Variants in TNR observed in about 807,000 individuals in gnomAD.
TNR encodes the protein tenascin-R.
A neutral mutation model predicts 150.4 loss-of-function variants in TNR; 45 were observed. The observed-to-expected ratio is 0.30, with a 90% CI of 0.24 to 0.38. The LOEUF is 0.38. TNR is among the 10% of genes least tolerant of loss of function. The probability of loss-of-function intolerance (pLI) is 1.00; values close to 1 mark genes in which losing one functional copy is unlikely to be tolerated. For synonymous variants in TNR, 687 were observed against 678.4 expected, an observed-to-expected ratio of 1.01 and a Z score of -0.20; for missense variants, 1,544 against 1,759.1, an observed-to-expected ratio of 0.88 and a Z score of 2.19.
chr1:175,362,910 C>T, intron 13 of TNR, 101 bp from the exon 14 acceptor site: 3 of 1,422,902 alleles, frequency 2.1e-6, no homozygotes, highest in Non-Finnish European at 2.9e-6. Flanking sequence ...GTGTGGGACT[C>T]CGCACTCAGT....
chr1:175,355,167 T>C (rs777385294), intron 17 of TNR, among the ~76,000 whole-genome samples: 11 of 152,288 alleles, frequency 7.2e-5, no homozygotes, highest in Admixed American at 1.3e-4. Context: ...CTTTGTGTCA[T>C]TGTATTGGAA....
intron 1 of TNR, among the ~76,000 whole-genome samples, chr1:175,738,750 A>G (rs529284281): frequency 6.6e-6 from 1 of 152,368 alleles, no homozygotes; most frequent in East Asian, 1.9e-4. Flanking sequence ...GTCGTAATTC[A>G]AAGTCACGTT....
intron 1 of TNR, among the ~76,000 whole-genome samples, chr1:175,585,386 C>T (rs182329141): frequency 1.8e-4 from 28 of 152,278 alleles, no homozygotes; most frequent in African/African-American, 6.0e-4. Context: ...TAGAGAAAAT[C>T]GTGAGCATGT....
chr1:175,325,276 A>C (rs1649305907), intron 21 of TNR, among the ~76,000 whole-genome samples: 1 of 152,252 alleles, frequency 6.6e-6, no homozygotes, highest in African/African-American at 2.4e-5. Flanking sequence ...AATGCTCATC[A>C]TCACTGGCCG....
rs75852160 is a variant in TNR at position 175,583,792 on chromosome 1, A to G, written c.-164-55423T>C. Among the ~76,000 whole-genome samples the G allele has an allele frequency of 9.2e-3, 1,401 of 152,360 alleles. 25 individuals are homozygous for G. Among genetic ancestry groups the G allele is most frequent in the African/African-American group, 0.031 (1,277 of 41,584 alleles). On this transcript the variant is annotated intron_variant, in intron 1 of 22. Coordinates refer to ENST00000367674, the MANE Select transcript of TNR (RefSeq NM_003285.3). ...ACTATTTGAGACACAGAAAAGGGAA[A>G]GGACATCTCCAGTTGAGATAGTTCA...
intron 1 of TNR, among the ~76,000 whole-genome samples, chr1:175,678,959 G>A (rs1290628998): frequency 2.0e-5 from 3 of 152,206 alleles, no homozygotes; most frequent in Non-Finnish European, 2.9e-5. Flanking sequence ...GAGCAATTGG[G>A]TTCTGCCCTG....
intron 18 of TNR, among the ~76,000 whole-genome samples, chr1:175,349,647 T>C (rs1313214934): frequency 4.0e-5 from 6 of 151,822 alleles, no homozygotes; most frequent in Admixed American, 6.6e-5. Flanking sequence ...GAGAAGAGGG[T>C]AAAAGGAAAT....
intron 1 of TNR, among the ~76,000 whole-genome samples, chr1:175,682,136 T>C (rs1402560717): frequency 6.6e-6 from 1 of 152,200 alleles, no homozygotes; most frequent in African/African-American, 2.4e-5. Context: ...CCACATTTAC[T>C]AAACCAGGCT....
At chr1:175,681,999 G>A (rs1666049595) in intron 1 of TNR, among the ~76,000 whole-genome samples, 2 of 152,082 alleles carry the variant, frequency 1.3e-5, no homozygotes, top group African/African-American at 4.8e-5. Context: ...GCAGTGCCTT[G>A]CAGAGTAGGT....
intron 2 of TNR, among the ~76,000 whole-genome samples, chr1:175,417,977 T>C (rs1654575276): frequency 6.6e-6 from 1 of 152,204 alleles, no homozygotes. Flanking sequence ...GTACATTATG[T>C]CTTTTAGAGC....
chr1:175,427,886 TTCGC>T (rs1190290034), intron 2 of TNR, among the ~76,000 whole-genome samples: 5 of 82,112 alleles, frequency 6.1e-5, no homozygotes, highest in African/African-American at 2.3e-4. Context: ...CCCTCCCTTC[TTCGC>T]TTCCTTCCTT....
intron 1 of TNR, among the ~76,000 whole-genome samples, chr1:175,623,922 T>A (rs1664062597): frequency 6.6e-6 from 1 of 152,240 alleles, no homozygotes; most frequent in South Asian, 2.1e-4. Flanking sequence ...CAAGGGGCTG[T>A]TTCCTCTATG....
At chr1:175,566,581 G>T (rs1001540930) in intron 1 of TNR, among the ~76,000 whole-genome samples, 1 of 152,246 alleles carries the variant, frequency 6.6e-6, no homozygotes, top group Non-Finnish European at 1.5e-5. Flanking sequence ...AGGGGGTTCA[G>T]CTGGAAGGGG....
intron 1 of TNR, among the ~76,000 whole-genome samples, chr1:175,549,249 A>G (rs897838855): frequency 2.0e-5 from 3 of 152,198 alleles, no homozygotes; most frequent in African/African-American, 7.2e-5. Context: ...GGCCATAACT[A>G]AAGGGAGCAC....
chr1:175,497,188 C>CG, intron 2 of TNR, among the ~76,000 whole-genome samples: 2 of 152,324 alleles, frequency 1.3e-5, no homozygotes, highest in Middle Eastern at 3.4e-3. Flanking sequence ...TTTTCCAGAA[C>CG]GCATACTTTG....
At chr1:175,712,685 A>C (rs1667050112) in intron 1 of TNR, among the ~76,000 whole-genome samples, 1 of 152,120 alleles carries the variant, frequency 6.6e-6, no homozygotes, top group South Asian at 2.1e-4. Context: ...GTCTGAGTTC[A>C]CATGAGATCA....
rs139673268 is a variant in TNR, at chr1:175,348,903, AG to A, written c.3382+5487del. ...AATAATAATAGCTAATATTTAGTAC[AG>A]GAACCCGGTGGAAAATTGACAAACT... On this transcript the variant is annotated intron_variant, in intron 18 of 22. Coordinates refer to ENST00000367674, the MANE Select transcript of TNR (RefSeq NM_003285.3). Among the ~76,000 whole-genome samples the A allele has an allele frequency of 4.1e-3, 631 of 152,372 alleles. 3 individuals carry two copies. Among genetic ancestry groups the A allele is most frequent in the African/African-American group, 0.015 (619 of 41,588 alleles).
rs549485556 is a variant in TNR at position 175,457,330 on chromosome 1, C to T, written c.-63-50553G>A. Among the ~76,000 whole-genome samples the T allele has an allele frequency of 1.2e-4, 19 of 152,324 alleles. No homozygotes were observed. In the South Asian group the frequency reaches 1.5e-3, roughly 12 times the overall value. On this transcript the variant is annotated intron_variant, in intron 2 of 22. Coordinates refer to ENST00000367674, the MANE Select transcript of TNR (RefSeq NM_003285.3). ...GGAGGGGCTCCATTCCAATAGACAG[C>T]GCCCATAGGCATTATAAAAGATATT...
chr1:175,682,305 C>T (rs1333405260), intron 1 of TNR, among the ~76,000 whole-genome samples: 1 of 152,168 alleles, frequency 6.6e-6, no homozygotes, highest in African/African-American at 2.4e-5. Flanking sequence ...TGCTTACATG[C>T]ATAAGCTCCT....
Sources: gnomAD v4.1 joint callset for allele counts (sites outside exome capture counted in the v4.1 genomes callset) on GRCh38, gnomAD v4.1.1 for gene constraint, MANE v1.5 for transcripts, NCBI Gene and HGNC (gene_info 2026-07-23, HGNC 2026-07-21) for gene names.